The following HOXD8 variants were observed in gnomAD, a reference collection of about 807,000 sequenced individuals.
HOXD8 encodes the protein homeobox protein Hox-D8.
HOXD8 carries 17 observed loss-of-function variants against 25.4 expected under a neutral mutation model. That is an observed-to-expected ratio of 0.67 (90% CI 0.46 to 1.00). The LOEUF (loss-of-function observed/expected upper bound fraction) is 1.00. Ranked by LOEUF, HOXD8 falls within the 50% of genes least tolerant of loss-of-function variation. The probability of loss-of-function intolerance (pLI) is 0.00; values close to 1 mark genes in which losing one functional copy is unlikely to be tolerated. For synonymous variants in HOXD8, 203 were observed against 175.3 expected, an observed-to-expected ratio of 1.16 and a Z score of -1.25; for missense variants, 511 against 398.5, an observed-to-expected ratio of 1.28 and a Z score of -2.40.
At position 176,130,397 on chromosome 2, in the gene HOXD8, T is replaced by TC; in HGVS notation, c.33dup (p.Lys12GlnfsTer75). The TC allele has an allele frequency of 6.7e-7, 1 of 1,483,178 alleles. No homozygotes were observed. The highest frequency in any genetic ancestry group is 8.9e-7 in the Non-Finnish European group (1 of 1,124,602). 91.9% of individuals were successfully genotyped at this position (1,483,178 alleles called of 1,614,324 possible). A position where few individuals can be genotyped will look rare whatever the true frequency, so the allele number is the denominator to read the frequency against. On this transcript the variant is annotated frameshift_variant, in exon 1 of 2. Transcript: ENST00000313173. LOFTEE classifies it high-confidence loss of function. ...TTCGTACTTCGTGAACCCGCTGTAC[T>TC]CCAAGTACAAGGCGGCGGCTGCGGC...
Position 176,130,592 on chromosome 2 carries a change from C to T in HOXD8, c.226C>T (p.Pro76Ser), listed in dbSNP as rs759263390. 5 of 1,461,542 alleles carry T rather than the reference C, an allele frequency of 3.4e-6. No homozygotes were observed. Among genetic ancestry groups the T allele is most frequent in the Non-Finnish European group, 4.5e-6 (5 of 1,119,570 alleles). The allele number at this position is 1,461,542 out of a possible 1,614,324, so 90.5% of individuals were successfully genotyped here. A position where few individuals can be genotyped will look rare whatever the true frequency, so the allele number is the denominator to read the frequency against. ...GGCGCACGCGCACCCGCACCCGTCC[C>T]CGCCGCCCTCCGGGACTGGGTGCGG... ...PQAHAHPHPS[P>S]PPSGTGCGGR... The change falls in exon 1 of 2, where the codon CCG (proline) becomes TCG (serine). Residue 76 changes from proline to serine, a missense_variant. Coordinates refer to ENST00000313173, the MANE Select transcript of HOXD8 (RefSeq NM_019558.4).
At position 176,130,600 on chromosome 2, in the gene HOXD8, C is replaced by T. The variant is rs962288410; in HGVS notation, c.234C>T (p.Pro78=). Residue 78 remains proline, a synonymous_variant, in exon 1 of 2, where the codon CCC becomes CCT. Transcript: ENST00000313173. ...CGCACCCGCACCCGTCCCCGCCGCCCTCCGGGACTGGGTGCGGCGGTAGGG... is the reference window on the plus strand; with the variant it reads ...CGCACCCGCACCCGTCCCCGCCGCCTTCCGGGACTGGGTGCGGCGGTAGGG... ...AHAHPHPSPP[P]SGTGCGGREG... 1 of 1,482,298 alleles carries T rather than the reference C, an allele frequency of 6.7e-7. No individual in the cohort carries two copies. The highest frequency in any genetic ancestry group is 1.4e-5 in the South Asian group (1 of 73,896). 91.8% of individuals were successfully genotyped at this position (1,482,298 alleles called of 1,614,324 possible).
chr2:176,130,348 C>G lies in HOXD8; in HGVS notation c.-19C>G. ...TTAGCGCCGCCCGCCCGCCCGGGGC[C>G]GCCGCCGCTGACGCCCCAATGAGTT... On this transcript the variant is annotated 5_prime_UTR_variant, in exon 1 of 2. Coordinates refer to ENST00000313173, the MANE Select transcript of HOXD8 (RefSeq NM_019558.4). The G allele has an allele frequency of 7.2e-7, 1 of 1,387,642 alleles. No homozygotes were observed. 86.0% of individuals were successfully genotyped at this position (1,387,642 alleles called of 1,614,324 possible).
In HOXD8 at chr2:176,130,410, C is replaced by A; in HGVS notation, c.44C>A (p.Ala15Glu). ...FVNPLYSKYKAAAAAAAAAGE... is the reference protein window; with the variant it reads ...FVNPLYSKYKEAAAAAAAAGE... ...AACCCGCTGTACTCCAAGTACAAGG[C>A]GGCGGCTGCGGCGGCGGCGGCGGCG... The change falls in exon 1 of 2, where the codon GCG (alanine) becomes GAG (glutamate). Residue 15 changes from alanine to glutamate, a missense_variant. Transcript: ENST00000313173. 6.7e-7 allele frequency: 1 copy of A among 1,486,156 alleles called. No individual in the cohort carries two copies. The highest frequency in any genetic ancestry group is 1.3e-5 in the South Asian group (1 of 79,664). 92.1% of individuals were successfully genotyped at this position (1,486,156 alleles called of 1,614,324 possible). A position where few individuals can be genotyped will look rare whatever the true frequency, so the allele number is the denominator to read the frequency against.
chr2:176,130,539 C>T lies in HOXD8; in HGVS notation c.173C>T (p.Ala58Val), dbSNP rs1248487541. 2 of 1,473,052 alleles carry T rather than the reference C, an allele frequency of 1.4e-6. No individual in the cohort carries two copies. The highest frequency in any genetic ancestry group is 2.5e-5 in the Admixed American group (1 of 39,216). 91.2% of individuals were successfully genotyped at this position (1,473,052 alleles called of 1,614,324 possible). The stretch of plus-strand genomic sequence containing the variant: ...GCCCTGCAGCTCTATGGCAACAGCG[C>T]CGCCGGCTTCCCGCACGCGCCCCCG... ...AAALQLYGNS[A>V]AGFPHAPPQA... Residue 58 changes from alanine to valine, a missense_variant, in exon 1 of 2, where the codon GCC becomes GTC. Physicochemically the swap from Ala to Val is moderately conservative, Grantham distance 64. Transcript: ENST00000313173.
rs1420830408 is a variant in HOXD8 at position 176,131,997 on chromosome 2, GTAAAT to G, written c.*390_*394del. 3.1e-5 allele frequency: 5 copies of G among 160,292 alleles called. No homozygotes were observed. The highest frequency in any genetic ancestry group is 7.2e-5 in the African/African-American group (3 of 41,720). 9.9% of individuals were successfully genotyped at this position (160,292 alleles called of 1,614,324 possible). ...TTGAACATTTTAATATTTGTGGTGA[GTAAAT>G]TAAAAGGAGTTTATTAATTAAAAAA... is the stretch of plus-strand genomic sequence containing the variant. On this transcript the variant is annotated 3_prime_UTR_variant, in exon 2 of 2. Transcript: ENST00000313173.
rs549192290 is a variant in HOXD8, at chr2:176,131,912, T to C, written c.*300T>C. ...GTGATTTGCCTCAACAACGTAAACT[T>C]CCTAATGATTAGCACTTAATAATTG... On this transcript the variant is annotated 3_prime_UTR_variant, in exon 2 of 2. Transcript: ENST00000313173. 9.7e-5 allele frequency: 26 copies of C among 266,956 alleles called. No homozygotes were observed. Among genetic ancestry groups the C allele is most frequent in the African/African-American group, 5.5e-4 (25 of 45,438 alleles). The allele number at this position is 266,956 out of a possible 1,614,324, so 16.5% of individuals were successfully genotyped here. A position where few individuals can be genotyped will look rare whatever the true frequency, so the allele number is the denominator to read the frequency against.
At chr2:176,131,296 C>CT (rs111789488) in intron 1 of HOXD8, 21 bp from the exon 2 acceptor site, 245 of 1,486,668 alleles carry the variant, frequency 1.6e-4, no homozygotes, top group African/African-American at 3.5e-4. Flanking sequence ...TTCCCCCCCC[C>CT]TTTTTTTTTG....
At chr2:176,131,054 A>G in intron 1 of HOXD8, 111 bp downstream of exon 1, 1 of 768,552 alleles carries the variant, frequency 1.3e-6, no homozygotes, top group South Asian at 1.9e-5. Flanking sequence ...CTTCTTGTGT[A>G]GCCACAGTGG....
chr2:176,131,558 G>A lies in HOXD8; in HGVS notation c.819G>A (p.Thr273=). ...VSRQEVKDGE[T]KKEAQELEED... is the part of the protein sequence containing the mutation. ...GGCAGGAGGTGAAGGACGGGGAAAC[G>A]AAAAAGGAAGCCCAAGAGCTGGAGG... is the stretch of plus-strand genomic sequence containing the variant. The change falls in exon 2 of 2, where the codon ACG becomes ACA. Residue 273 remains threonine, a synonymous_variant. Transcript: ENST00000313173. The A allele has an allele frequency of 4.3e-6, 7 of 1,610,386 alleles. No homozygotes were observed. The highest frequency in any genetic ancestry group is 5.9e-6 in the Non-Finnish European group (7 of 1,178,788).
At chr2:176,131,161 T>C (rs968319475) in intron 1 of HOXD8, among the ~76,000 whole-genome samples, 156 bp from the exon 2 acceptor site, 2 of 129,754 alleles carry the variant, frequency 1.5e-5, no homozygotes, top group Admixed American at 1.8e-4. Flanking sequence ...TCTGCTCCTC[T>C]TGCCTGCACA....
Position 176,131,680 on chromosome 2 carries a change from A to G in HOXD8, c.*68A>G. The G allele has an allele frequency of 2.4e-6, 2 of 816,330 alleles. No homozygotes were observed. Among genetic ancestry groups the G allele is most frequent in the Admixed American group, 5.7e-5 (2 of 35,088 alleles). The allele number at this position is 816,330 out of a possible 1,614,324, so 50.6% of individuals were successfully genotyped here. On this transcript the variant is annotated 3_prime_UTR_variant, in exon 2 of 2. Transcript: ENST00000313173. Reference sequence around the variant, plus strand: ...TCACCATATGCTGTGGACACCACCTATTTTCTTTGTTGGAAAGGACCTTAC... The same window carrying G: ...TCACCATATGCTGTGGACACCACCTGTTTTCTTTGTTGGAAAGGACCTTAC...
In HOXD8 at chr2:176,129,837, G is replaced by T. The variant is rs1574960194; in HGVS notation, c.-530G>T. Reference sequence around the variant, plus strand: ...GATTGGCGGGAGGGGGGCGCGGGGGGGGCGCGGTAAGAGGTGGCGGCGGGC... The same window carrying T: ...GATTGGCGGGAGGGGGGCGCGGGGGTGGCGCGGTAAGAGGTGGCGGCGGGC... On this transcript the variant is annotated 5_prime_UTR_variant, in exon 1 of 2. Coordinates refer to ENST00000313173, the MANE Select transcript of HOXD8 (RefSeq NM_019558.4). 1.1e-5 allele frequency: 3 copies of T among 266,924 alleles called. No individual in the cohort carries two copies. The highest frequency in any genetic ancestry group is 5.4e-5 in the Admixed American group (1 of 18,552). The allele number at this position is 266,924 out of a possible 1,614,324, so 16.5% of individuals were successfully genotyped here. A position where few individuals can be genotyped will look rare whatever the true frequency, so the allele number is the denominator to read the frequency against.
In HOXD8 at chr2:176,129,720, C is replaced by T. The variant is rs550045449; in HGVS notation, c.-647C>T. On this transcript the variant is annotated 5_prime_UTR_variant, in exon 1 of 2. Coordinates refer to ENST00000313173, the MANE Select transcript of HOXD8 (RefSeq NM_019558.4). ...GCGCGGATCCCTCCGCGGGGCTCCTCGTCCCCGTCACGCTGACTTTCCGTG... is the reference window on the plus strand; with the variant it reads ...GCGCGGATCCCTCCGCGGGGCTCCTTGTCCCCGTCACGCTGACTTTCCGTG... 1.1e-5 allele frequency: 4 copies of T among 367,402 alleles called. No individual in the cohort carries two copies. Among genetic ancestry groups the T allele is most frequent in the Admixed American group, 3.8e-5 (1 of 26,212 alleles). The allele number at this position is 367,402 out of a possible 1,614,324, so 22.8% of individuals were successfully genotyped here.
Position 176,131,780 on chromosome 2 carries a change from A to C in HOXD8, c.*168A>C. 1.7e-6 allele frequency: 1 copy of C among 579,768 alleles called. No individual in the cohort carries two copies. Among genetic ancestry groups the C allele is most frequent in the Non-Finnish European group, 3.0e-6 (1 of 329,026 alleles). 35.9% of individuals were successfully genotyped at this position (579,768 alleles called of 1,614,324 possible). A position where few individuals can be genotyped will look rare whatever the true frequency, so the allele number is the denominator to read the frequency against. ...TTGAGAGGGATTTGGGTGTTTAAAA[A>C]AGTTTCTAGTATCACATAGAAGCTG... On this transcript the variant is annotated 3_prime_UTR_variant, in exon 2 of 2. Transcript: ENST00000313173.
rs1690051316 is a variant in HOXD8 at position 176,130,184 on chromosome 2, G to A, written c.-183G>A. The A allele has an allele frequency of 3.8e-6, 1 of 262,064 alleles. No homozygotes were observed. Among genetic ancestry groups the A allele is most frequent in the Admixed American group, 5.5e-5 (1 of 18,224 alleles). The allele number at this position is 262,064 out of a possible 1,614,324, so 16.2% of individuals were successfully genotyped here. On this transcript the variant is annotated 5_prime_UTR_variant, in exon 1 of 2. Coordinates refer to ENST00000313173, the MANE Select transcript of HOXD8 (RefSeq NM_019558.4). The stretch of plus-strand genomic sequence containing the variant: ...GAGCGCCCAGTAGCTGAGCGCCCGC[G>A]GCTGCCTGGCCTCAGAAGCGACGCG...
At chr2:176,131,038 CT>C in intron 1 of HOXD8, 95 bp downstream of exon 1, 1 of 851,438 alleles carries the variant, frequency 1.2e-6, no homozygotes, top group Non-Finnish European at 1.8e-6. Context: ...TCTCCCCCTC[CT>C]TTTCCTTCTT....
rs544054860 is a variant in HOXD8, at chr2:176,130,574, G to GCGCACCCGCACC, written c.211_222dup (p.His71_Pro74dup). The GCGCACCCGCACC allele has an allele frequency of 1.5e-5, 22 of 1,462,826 alleles. No homozygotes were observed. Among genetic ancestry groups the GCGCACCCGCACC allele is most frequent in the African/African-American group, 1.0e-4 (7 of 67,286 alleles). 90.6% of individuals were successfully genotyped at this position (1,462,826 alleles called of 1,614,324 possible). On this transcript the variant is annotated inframe_insertion, in exon 1 of 2. Transcript: ENST00000313173. ...CCCGCACGCGCCCCCGCAGGCGCAC[G>GCGCACCCGCACC]CGCACCCGCACCCGTCCCCGCCGCC...
Position 176,130,434 on chromosome 2 carries a change from C to T in HOXD8, c.68C>T (p.Ala23Val), listed in dbSNP as rs1230199235. Reference protein sequence around the residue: ...YKAAAAAAAAAGEAINPTYYD... With the variant: ...YKAAAAAAAAVGEAINPTYYD... ...GCGGCGGCTGCGGCGGCGGCGGCGG[C>T]GGGCGAGGCCATCAATCCCACTTAC... Residue 23 changes from alanine (A) to valine (V), a missense_variant, in exon 1 of 2, where the codon GCG becomes GTG. By Grantham distance (64) the Ala-to-Val change is moderately conservative (BLOSUM62 0). Transcript: ENST00000313173. 3 of 1,486,768 alleles carry T rather than the reference C, an allele frequency of 2.0e-6. No homozygotes were observed. Among genetic ancestry groups the T allele is most frequent in the East Asian group, 2.8e-5 (1 of 35,336 alleles). The allele number at this position is 1,486,768 out of a possible 1,614,324, so 92.1% of individuals were successfully genotyped here.
Sources: gnomAD v4.1 joint callset for allele counts (sites outside exome capture counted in the v4.1 genomes callset) on GRCh38, gnomAD v4.1.1 for gene constraint, MANE v1.5 for transcripts, NCBI Gene and HGNC (gene_info 2026-07-23, HGNC 2026-07-21) for gene names.